Variants in DCLRE1C observed in about 807,000 individuals in gnomAD.
The protein encoded by DCLRE1C is DNA cross-link repair 1C, also known as protein artemis.
In DCLRE1C, 47 loss-of-function variants were observed where a neutral mutation model predicts 61.4. The ratio of observed to expected loss-of-function variants is 0.77; its 90% confidence interval spans 0.61 to 0.98. The LOEUF (loss-of-function observed/expected upper bound fraction) is 0.98, where lower values mean the gene tolerates loss of function less well. Ranked by LOEUF, DCLRE1C falls within the 50% of genes least tolerant of loss-of-function variation. The pLI, the probability that DCLRE1C is intolerant of heterozygous loss-of-function variation, is 0.00. For synonymous variants in DCLRE1C, 337 were observed against 287.6 expected, an observed-to-expected ratio of 1.17 and a Z score of -1.74; for missense variants, 858 against 816.0, an observed-to-expected ratio of 1.05 and a Z score of -0.63.
intron 10 of DCLRE1C, among the ~76,000 whole-genome samples, chr10:14,927,762 CA>C (rs1387553406): frequency 2.0e-5 from 3 of 152,214 alleles, no homozygotes; most frequent in Admixed American, 1.3e-4. Flanking sequence ...TACTCTAAGC[CA>C]AGCACTCAGA....
rs1378956876 is a variant in DCLRE1C at position 14,942,643 on chromosome 10, G to A, written c.246+2462C>T. On this transcript the variant is annotated intron_variant, in intron 3 of 13. Coordinates refer to ENST00000378278, the MANE Select transcript of DCLRE1C (RefSeq NM_001033855.3). ...TCGGGGAGGGCAGTGCAGTCCCTGA[G>A]CTGGGGACAGAAGTGTTTCCTGTGG... 2.6e-5 allele frequency among the ~76,000 whole-genome samples: 4 copies of A among 152,212 alleles called. No homozygotes were observed. The East Asian group carries it at 5.8e-4, about 22-fold the overall frequency.
At chr10:14,953,273 A>T (rs1488643312) in intron 1 of DCLRE1C, among the ~76,000 whole-genome samples, 2 of 152,188 alleles carry the variant, frequency 1.3e-5, no homozygotes, top group Non-Finnish European at 1.5e-5. Context: ...CTCTGCTTGG[A>T]GCATCAGCGA....
intron 13 of DCLRE1C, among the ~76,000 whole-genome samples, chr10:14,917,238 A>G (rs2130706411): frequency 6.6e-6 from 1 of 152,348 alleles, no homozygotes; most frequent in Non-Finnish European, 1.5e-5. Context: ...TTTGAACCAT[A>G]TTTTTAAAAA....
At position 14,941,310 on chromosome 10, in the gene DCLRE1C, G is replaced by C. The variant is rs114915341; in HGVS notation, c.247-1441C>G. ...TATTTATTTATTTATTTTGAGACAG[G>C]CTCTCGCTGTGTTAGCCAGCCTGGA... On this transcript the variant is annotated intron_variant, in intron 3 of 13. Coordinates refer to ENST00000378278, the MANE Select transcript of DCLRE1C (RefSeq NM_001033855.3). Among the ~76,000 whole-genome samples the C allele has an allele frequency of 4.6e-3, 700 of 152,168 alleles. 2 individuals are homozygous for C. Among genetic ancestry groups the C allele is most frequent in the African/African-American group, 0.016 (664 of 41,504 alleles).
Position 14,908,979 on chromosome 10 carries a change from C to A in DCLRE1C, c.1508G>T (p.Ser503Ile). Reference sequence around the variant, plus strand: ...TGTGGAGGAAGGGAAGTTTTCCAAACTCTCATCTGTGATTTCATCATTTCT... The same window carrying A: ...TGTGGAGGAAGGGAAGTTTTCCAAAATCTCATCTGTGATTTCATCATTTCT... ...FKRNDEITDE[S>I]LENFPSSTVA... Residue 503 changes from serine to isoleucine, a missense_variant, in exon 14 of 14, where the codon AGT becomes ATT. By Grantham distance (142) the Ser-to-Ile change is moderately radical (BLOSUM62 -2). Around this residue, in one of 2 missense-constraint regions of DCLRE1C, gnomAD observed 843 missense variants for 783.5 expected, o/e 1.08. Transcript: ENST00000378278. 1 of 1,614,116 alleles carries A rather than the reference C, an allele frequency of 6.2e-7. No individual in the cohort carries two copies. The highest frequency in any genetic ancestry group is 8.5e-7 in the Non-Finnish European group (1 of 1,179,992).
chr10:14,945,222 A>G (rs183714466), intron 2 of DCLRE1C, 33 bp from the exon 3 acceptor site: 708 of 1,587,364 alleles, frequency 4.5e-4, no homozygotes, highest in Non-Finnish European at 5.8e-4. Context: ...CTTTCAGTAC[A>G]ATCCAAAATG....
exon 14 of DCLRE1C, chr10:14,897,445 T>C (rs1450300391): frequency 1.2e-6 from 2 of 1,612,038 alleles, no homozygotes; most frequent in South Asian, 1.1e-5. Flanking sequence ...GAACTAGCAA[T>C]GGACGTGGCT....
intron 6 of DCLRE1C, 61 bp downstream of exon 6, chr10:14,935,402 G>A: frequency 1.3e-6 from 2 of 1,563,218 alleles, no homozygotes; most frequent in Non-Finnish European, 8.8e-7. Flanking sequence ...GGGCGACACA[G>A]CAAGACTCCA....
At chr10:14,901,340 T>C (rs1446760993), downstream of DCLRE1C, 2 of 1,571,602 alleles carry the variant, frequency 1.3e-6, no homozygotes, top group Non-Finnish European at 1.7e-6. Flanking sequence ...AGACCTTAGA[T>C]ATTTGAACCA....
chr10:14,928,281 A>G (rs755928706), intron 9 of DCLRE1C, 129 bp from the exon 10 acceptor site: 3 of 816,724 alleles, frequency 3.7e-6, no homozygotes, highest in South Asian at 1.7e-5. Flanking sequence ...AAAAGCAGCA[A>G]AACAATGTAG....
chr10:14,912,301 C>T (rs902585530), intron 13 of DCLRE1C, among the ~76,000 whole-genome samples: 3 of 152,176 alleles, frequency 2.0e-5, no homozygotes, highest in South Asian at 2.1e-4. Context: ...GGTGATCCAT[C>T]CGCCTCGGCC....
chr10:14,947,928 G>T (rs1455057646), intron 2 of DCLRE1C, among the ~76,000 whole-genome samples: 2 of 152,064 alleles, frequency 1.3e-5, no homozygotes, highest in Non-Finnish European at 2.9e-5. Context: ...GCGTGGTGGT[G>T]GGTGCCTGTA....
At chr10:14,916,322 T>C (rs565184993) in intron 13 of DCLRE1C, among the ~76,000 whole-genome samples, 126 of 152,250 alleles carry the variant, frequency 8.3e-4, no homozygotes, top group African/African-American at 1.7e-3. Context: ...GATGATCTTA[T>C]ATAGAAACCG....
In DCLRE1C at chr10:14,905,631, C is replaced by A. The variant is rs1062884; in HGVS notation, c.*2777G>T. Among the ~76,000 whole-genome samples, 2,485 of 152,320 alleles carry A rather than the reference C, an allele frequency of 0.016. 64 individuals carry two copies. The highest frequency in any genetic ancestry group is 0.056 in the African/African-American group (2,324 of 41,552). Reference sequence around the variant, plus strand: ...CAAACATTTAAGTCCTGGAACTCTTCTCCAAGATAAATGTGGCTGACTGCT... The same window carrying A: ...CAAACATTTAAGTCCTGGAACTCTTATCCAAGATAAATGTGGCTGACTGCT... On this transcript the variant is annotated 3_prime_UTR_variant, in exon 14 of 14. Transcript: ENST00000378278.
At chr10:14,900,863 A>G (rs944652461), downstream of DCLRE1C, among the ~76,000 whole-genome samples, 1 of 152,226 alleles carries the variant, frequency 6.6e-6, no homozygotes, top group Non-Finnish European at 1.5e-5. Flanking sequence ...GACTAGAGGA[A>G]TAAGATTGGC....
intron 12 of DCLRE1C, among the ~76,000 whole-genome samples, chr10:14,921,522 T>C: frequency 6.6e-6 from 1 of 152,222 alleles, no homozygotes; most frequent in East Asian, 1.9e-4. Flanking sequence ...CTCAGTATTT[T>C]CCATTTCCTC....
rs765990122 is a variant in DCLRE1C, at chr10:14,909,284, T to C, written c.1203A>G (p.Leu401=). 1 of 1,613,938 alleles carries C rather than the reference T, an allele frequency of 6.2e-7. No individual in the cohort carries two copies. Among genetic ancestry groups the C allele is most frequent in the Admixed American group, 1.7e-5 (1 of 60,006 alleles). Residue 401 remains leucine, a synonymous_variant, in exon 14 of 14, where the codon TTA becomes TTG. Coordinates refer to ENST00000378278, the MANE Select transcript of DCLRE1C (RefSeq NM_001033855.3). ...TTTCCGGGTATGGAACTTTGTGCCT[T>C]AAAGGTATTGGCAGAGGATCATCAA... ...YLFDDPLPIP[L]RHKVPYPETF... is the part of the protein sequence containing the mutation.
At chr10:14,950,098 T>C (rs1842236891) in intron 1 of DCLRE1C, among the ~76,000 whole-genome samples, 1 of 152,034 alleles carries the variant, frequency 6.6e-6, no homozygotes, top group Non-Finnish European at 1.5e-5. Context: ...CCCAGCACTT[T>C]GGGAGGCCGA....
At chr10:14,915,314 C>CA (rs968835804) in intron 13 of DCLRE1C, among the ~76,000 whole-genome samples, 2 of 149,996 alleles carry the variant, frequency 1.3e-5, no homozygotes, top group Admixed American at 6.6e-5. Flanking sequence ...TACCCCGTGC[C>CA]AAAAAAACAA....
Sources: allele counts gnomAD v4.1 joint callset (sites outside exome capture counted in the v4.1 genomes callset), GRCh38; gene constraint gnomAD v4.1.1; regional missense constraint gnomAD v4.1.1; transcripts MANE v1.5; gene names NCBI Gene and HGNC (gene_info 2026-07-23, HGNC 2026-07-21).